The following GPM6A variants were observed in gnomAD, a reference collection of about 807,000 sequenced individuals.
GPM6A encodes the protein neuronal membrane glycoprotein M6-a.
A neutral mutation model predicts 32.1 loss-of-function variants in GPM6A; 7 were observed. That is an observed-to-expected ratio of 0.22 (90% CI 0.12 to 0.41). The LOEUF (loss-of-function observed/expected upper bound fraction) is 0.41. GPM6A is among the 10% of genes least tolerant of loss of function. GPM6A has a pLI of 1.00. For missense variants in GPM6A, 235 were observed against 347.2 expected, an observed-to-expected ratio of 0.68 and a Z score of 2.57; for synonymous variants, 130 against 123.4, an observed-to-expected ratio of 1.05 and a Z score of -0.35.
At chr4:175,811,071 T>C (rs778921903) in intron 1 of GPM6A, among the ~76,000 whole-genome samples, 1 of 152,088 alleles carries the variant, frequency 6.6e-6, no homozygotes, top group Non-Finnish European at 1.5e-5. Context: ...TGTGTGTGTG[T>C]ATGCACCATA....
intron 1 of GPM6A, among the ~76,000 whole-genome samples, chr4:175,843,762 G>A (rs954771137): frequency 3.9e-5 from 6 of 152,050 alleles, no homozygotes; most frequent in Non-Finnish European, 5.9e-5. Context: ...TGAGATAATC[G>A]CTTAGAAGCA....
intron 1 of GPM6A, among the ~76,000 whole-genome samples, chr4:175,912,229 T>C (rs1738343842): frequency 6.6e-6 from 1 of 152,210 alleles, no homozygotes; most frequent in Admixed American, 6.5e-5. Context: ...GACAAAAAAG[T>C]TCCTCAAAGC....
At chr4:175,971,593 G>T (rs1350516772) in intron 1 of GPM6A, among the ~76,000 whole-genome samples, 3 of 152,058 alleles carry the variant, frequency 2.0e-5, no homozygotes, top group Non-Finnish European at 1.5e-5. Flanking sequence ...TTGGAAGCGG[G>T]CGGCATCAGG....
intron 1 of GPM6A, among the ~76,000 whole-genome samples, chr4:175,978,105 C>A (rs953959712): frequency 2.6e-5 from 4 of 152,220 alleles, no homozygotes; most frequent in Non-Finnish European, 5.9e-5. Context: ...CCTGTTTTCA[C>A]CCTGCTATAA....
intron 1 of GPM6A, among the ~76,000 whole-genome samples, chr4:175,998,590 A>G (rs906785835): frequency 6.6e-6 from 1 of 152,230 alleles, no homozygotes; most frequent in African/African-American, 2.4e-5. Context: ...TCAAGATTTC[A>G]AATTTCTAGA....
chr4:175,837,541 T>G (rs1735805783), intron 1 of GPM6A, among the ~76,000 whole-genome samples: 1 of 151,926 alleles, frequency 6.6e-6, no homozygotes, highest in African/African-American at 2.4e-5. Flanking sequence ...TAGTGAGAAA[T>G]GGACAAATTT....
intron 1 of GPM6A, among the ~76,000 whole-genome samples, chr4:175,902,395 A>G (rs1737995824): frequency 6.6e-6 from 1 of 152,208 alleles, no homozygotes; most frequent in Admixed American, 6.6e-5. Context: ...ATTAAGCTGC[A>G]GACATAAATA....
At chr4:175,787,314 C>T in intron 1 of GPM6A, 2 of 1,455,966 alleles carry the variant, frequency 1.4e-6, no homozygotes, top group Non-Finnish European at 1.9e-6. Flanking sequence ...AATACTCCCA[C>T]CAAAGTCACC....
At chr4:175,820,521 G>T (rs186244494) in intron 1 of GPM6A, among the ~76,000 whole-genome samples, 756 of 66,418 alleles carry the variant, frequency 0.011, 7 homozygotes, top group African/African-American at 0.033. Context: ...TTTTTTTTGA[G>T]ATGGAGTCTT....
At position 175,701,561 on chromosome 4, in the gene GPM6A, C is replaced by T. The variant is rs764074420; in HGVS notation, c.230+14G>A. 18 of 1,586,536 alleles carry T rather than the reference C, an allele frequency of 1.1e-5. No homozygotes were observed. Among genetic ancestry groups the T allele is most frequent in the South Asian group, 2.2e-5 (2 of 90,350 alleles). Reference sequence around the variant, plus strand: ...TATACATGGAAAATAACAAGAAATACTAGAGTGACTTACATGGTAAAAACA... The same window carrying T: ...TATACATGGAAAATAACAAGAAATATTAGAGTGACTTACATGGTAAAAACA... On this transcript the variant is annotated intron_variant, in intron 2 of 6. Transcript: ENST00000393658.
intron 1 of GPM6A, among the ~76,000 whole-genome samples, chr4:175,845,651 A>C (rs544099786): frequency 6.6e-6 from 1 of 152,060 alleles, no homozygotes; most frequent in Non-Finnish European, 1.5e-5. Flanking sequence ...CTCACCAAGA[A>C]AATTTCTCTT....
At chr4:175,831,472 A>G (rs896206161) in intron 1 of GPM6A, among the ~76,000 whole-genome samples, 4 of 152,176 alleles carry the variant, frequency 2.6e-5, no homozygotes, top group African/African-American at 9.6e-5. Context: ...CCAATTCTTC[A>G]AACACAAATT....
chr4:175,872,883 T>A (rs1027375817), intron 1 of GPM6A, among the ~76,000 whole-genome samples: 2 of 152,154 alleles, frequency 1.3e-5, no homozygotes, highest in Non-Finnish European at 2.9e-5. Flanking sequence ...ACAAGTCTTA[T>A]TAGGATGAAT....
chr4:175,737,916 C>A (rs529130008), intron 1 of GPM6A, among the ~76,000 whole-genome samples: 1 of 151,102 alleles, frequency 6.6e-6, no homozygotes, highest in South Asian at 2.1e-4. Flanking sequence ...ATGAGGGCAT[C>A]TAAACATCTC....
chr4:175,853,097 T>C (rs1406584149), intron 1 of GPM6A, among the ~76,000 whole-genome samples: 4 of 152,122 alleles, frequency 2.6e-5, no homozygotes, highest in Non-Finnish European at 4.4e-5. Context: ...CAGAACACTA[T>C]TGAATGTTAC....
At chr4:175,796,161 T>C (rs188246890) in intron 1 of GPM6A, among the ~76,000 whole-genome samples, 1 of 152,188 alleles carries the variant, frequency 6.6e-6, no homozygotes, top group Non-Finnish European at 1.5e-5. Context: ...GTAGTCTGCC[T>C]TGCACAGTGA....
chr4:175,659,640 A>G (rs571362027), intron 3 of GPM6A, among the ~76,000 whole-genome samples: 4 of 152,240 alleles, frequency 2.6e-5, no homozygotes, highest in African/African-American at 9.6e-5. Context: ...AAAGGCAAGC[A>G]CACTCTTGAT....
At chr4:175,692,630 C>T (rs1744361058) in intron 2 of GPM6A, among the ~76,000 whole-genome samples, 1 of 151,842 alleles carries the variant, frequency 6.6e-6, no homozygotes, top group East Asian at 1.9e-4. Flanking sequence ...TTTTTAAATA[C>T]ATTTTAATGT....
intron 5 of GPM6A, 35 bp downstream of exon 5, chr4:175,640,718 A>G: frequency 7.4e-7 from 1 of 1,358,834 alleles, no homozygotes; most frequent in South Asian, 1.2e-5. Context: ...GAATGCTAAA[A>G]TTCTGACAAA....
Sources: allele counts gnomAD v4.1 joint callset (sites outside exome capture counted in the v4.1 genomes callset), GRCh38; gene constraint gnomAD v4.1.1; transcripts MANE v1.5; gene names NCBI Gene and HGNC (gene_info 2026-07-23, HGNC 2026-07-21).